PDE8A: variants seen among roughly 807,000 people sequenced by gnomAD.
PDE8A encodes high affinity cAMP-specific and IBMX-insensitive 3',5'-cyclic phosphodiesterase 8A.
PDE8A carries 59 observed loss-of-function variants against 105.0 expected under a neutral mutation model. The observed-to-expected ratio is 0.56, with a 90% CI of 0.46 to 0.70. The LOEUF (loss-of-function observed/expected upper bound fraction) is 0.70. PDE8A is among the 30% of genes least tolerant of loss of function. The pLI is 0.00. For synonymous variants in PDE8A, 355 were observed against 371.9 expected (o/e 0.95, Z 0.52); for missense variants, 1,014 against 1,045.9 (o/e 0.97, Z 0.42).
intron 17 of PDE8A, among the ~76,000 whole-genome samples, chr15:85,118,736 G>T (rs1357914218): frequency 6.6e-6 from 1 of 152,214 alleles, no homozygotes; most frequent in Non-Finnish European, 1.5e-5. Flanking sequence ...TTGACCTGTT[G>T]CTCCCTTGAC....
intron 1 of PDE8A, among the ~76,000 whole-genome samples, chr15:85,054,800 C>T (rs938401004): frequency 2.0e-5 from 3 of 152,138 alleles, no homozygotes; most frequent in African/African-American, 7.2e-5. Context: ...TTTTTTGTGT[C>T]GCTATCTCCT....
At chr15:85,115,537 T>G (rs2082082566) in intron 15 of PDE8A, 50 bp downstream of exon 15, 1 of 905,148 alleles carries the variant, frequency 1.1e-6, no homozygotes, top group Non-Finnish European at 1.7e-6. Flanking sequence ...AATACTGCAG[T>G]CTAGCTTAAG....
At chr15:85,041,323 G>T (rs941515716) in intron 1 of PDE8A, among the ~76,000 whole-genome samples, 1 of 152,156 alleles carries the variant, frequency 6.6e-6, no homozygotes, top group Non-Finnish European at 1.5e-5. Flanking sequence ...ATCATTTTCT[G>T]TTATCAGACA....
intron 1 of PDE8A, among the ~76,000 whole-genome samples, chr15:85,010,745 G>A (rs550922476): frequency 2.6e-4 from 40 of 152,268 alleles, no homozygotes; most frequent in Admixed American, 1.4e-3. Flanking sequence ...GGAGGTTGGA[G>A]CCCCTGTGAG....
intron 1 of PDE8A, among the ~76,000 whole-genome samples, chr15:84,988,649 C>T (rs2079840886): frequency 6.6e-6 from 1 of 152,186 alleles, no homozygotes; most frequent in Non-Finnish European, 1.5e-5. Flanking sequence ...GAGTGCTGTT[C>T]CCCCACCAGT....
At position 85,064,501 on chromosome 15, in the gene PDE8A, C is replaced by T. The variant is rs751547304; in HGVS notation, c.243+75C>T. Reference sequence around the variant, plus strand: ...GGGTGGAGGTGGAGCTAAATTTACACATTTAAAATAGTCTTTCATTTAGAT... The same window carrying T: ...GGGTGGAGGTGGAGCTAAATTTACATATTTAAAATAGTCTTTCATTTAGAT... On this transcript the variant is annotated intron_variant, in intron 2 of 21. Coordinates refer to ENST00000394553, the MANE Select transcript of PDE8A (RefSeq NM_002605.3). 5 of 911,176 alleles carry T rather than the reference C, an allele frequency of 5.5e-6. No homozygotes were observed. The African/African-American group carries it at 6.6e-5, about 12-fold the overall frequency. The allele number at this position is 911,176 out of a possible 1,614,324, so 56.4% of individuals were successfully genotyped here.
intron 1 of PDE8A, among the ~76,000 whole-genome samples, chr15:85,046,340 C>T (rs111792786): frequency 4.6e-5 from 7 of 152,124 alleles, no homozygotes; most frequent in Admixed American, 2.0e-4. Flanking sequence ...TGAGGCACCA[C>T]GCCCAGCCAT....
At chr15:85,081,799 A>G (rs529799282) in intron 5 of PDE8A, among the ~76,000 whole-genome samples, 2 of 152,302 alleles carry the variant, frequency 1.3e-5, no homozygotes, top group South Asian at 2.1e-4. Context: ...GATGCTGTAC[A>G]TTTGGTCACA....
chr15:85,114,080 C>G, intron 14 of PDE8A, 43 bp downstream of exon 14: 1 of 1,554,936 alleles, frequency 6.4e-7, no homozygotes, highest in South Asian at 1.1e-5. Context: ...CCTGTCTGTT[C>G]TTGGTTGTTT....
chr15:85,043,506 A>T (rs372406089), intron 1 of PDE8A, among the ~76,000 whole-genome samples: 1 of 152,142 alleles, frequency 6.6e-6, no homozygotes, highest in Non-Finnish European at 1.5e-5. Flanking sequence ...TCTCTCCTAT[A>T]GTTGACTATT....
chr15:85,004,307 C>T (rs1596428265), intron 1 of PDE8A, among the ~76,000 whole-genome samples: 1 of 152,276 alleles, frequency 6.6e-6, no homozygotes, highest in East Asian at 1.9e-4. Context: ...ATAACCCAGG[C>T]CCAAGCTGAG....
At chr15:85,022,176 A>G (rs1411239661) in intron 1 of PDE8A, among the ~76,000 whole-genome samples, 1 of 152,188 alleles carries the variant, frequency 6.6e-6, no homozygotes, top group African/African-American at 2.4e-5. Flanking sequence ...ACAGCTTGTT[A>G]TTCAGCCATT....
At chr15:85,030,530 G>A (rs2080596775) in intron 1 of PDE8A, among the ~76,000 whole-genome samples, 1 of 152,116 alleles carries the variant, frequency 6.6e-6, no homozygotes, top group Non-Finnish European at 1.5e-5. Context: ...ATTTGTTCCT[G>A]GGCACTTAAG....
intron 11 of PDE8A, among the ~76,000 whole-genome samples, chr15:85,105,879 A>G (rs548784832): frequency 1.3e-5 from 2 of 152,236 alleles, no homozygotes; most frequent in East Asian, 1.9e-4. Context: ...CTCACACTTC[A>G]TCTTCAACCT....
chr15:85,022,540 AT>A (rs56869355), intron 1 of PDE8A, among the ~76,000 whole-genome samples: 18,262 of 142,824 alleles, frequency 0.13, 1,376 homozygotes, highest in Middle Eastern at 0.23. Flanking sequence ...TATATGCAAA[AT>A]TTTTTTTTTT....
chr15:84,988,521 G>A (rs1178855051), intron 1 of PDE8A, among the ~76,000 whole-genome samples: 1 of 152,226 alleles, frequency 6.6e-6, no homozygotes, highest in East Asian at 1.9e-4. Context: ...TCTGAAATGA[G>A]TTGGGAGGGC....
rs145449292 is a variant in PDE8A at position 85,125,262 on chromosome 15, A to G, written c.2086-945A>G. Among the ~76,000 whole-genome samples the G allele has an allele frequency of 1.2e-4, 19 of 152,296 alleles. No homozygotes were observed. In the East Asian group the frequency reaches 2.3e-3, roughly 19 times the overall value. On this transcript the variant is annotated intron_variant, in intron 19 of 21. Coordinates refer to ENST00000394553, the MANE Select transcript of PDE8A (RefSeq NM_002605.3). Reference sequence around the variant, plus strand: ...CATCAGGGCTTCTTAGGCTACTGCTATTGCATATTGAAATATATGACTAAC... The same window carrying G: ...CATCAGGGCTTCTTAGGCTACTGCTGTTGCATATTGAAATATATGACTAAC...
chr15:85,045,433 G>A (rs7174722), intron 1 of PDE8A, among the ~76,000 whole-genome samples: 81,386 of 151,980 alleles, frequency 0.54, 21,921 homozygotes, highest in East Asian at 0.57. Context: ...ACAGAACTGG[G>A]TCCCATTCCT....
At position 85,067,003 on chromosome 15, in the gene PDE8A, T is replaced by G. The variant is rs1479781119; in HGVS notation, c.244-11T>G. 1 of 1,567,116 alleles carries G rather than the reference T, an allele frequency of 6.4e-7. No homozygotes were observed. The stretch of plus-strand genomic sequence containing the variant: ...TTTTTTAAAAAAAGTGTTTGTGCTC[T>G]TTTGATTCAGGTACTTTTAGTGTTT... On this transcript the variant is annotated splice_polypyrimidine_tract_variant and intron_variant, in intron 2 of 21. Transcript: ENST00000394553.
Sources: gnomAD v4.1 joint callset for allele counts (sites outside exome capture counted in the v4.1 genomes callset) on GRCh38, gnomAD v4.1.1 for gene constraint, MANE v1.5 for transcripts, NCBI Gene and HGNC (gene_info 2026-07-23, HGNC 2026-07-21) for gene names.